The following BRCA1 variants were observed in gnomAD, a reference collection of about 807,000 sequenced individuals.
The protein encoded by BRCA1 is breast cancer type 1 susceptibility protein.
A neutral mutation model predicts 173.7 loss-of-function variants in BRCA1; 140 were observed. The ratio of observed to expected loss-of-function variants is 0.81; its 90% CI spans 0.70 to 0.93. BRCA1 has a LOEUF of 0.93. Among genes scored for constraint, BRCA1 ranks in the 40% least tolerant of loss-of-function variants. The pLI is 0.00. For missense variants in BRCA1, 1,983 were observed against 2,172.5 expected, an observed-to-expected ratio of 0.91 and a Z score of 1.73; for synonymous variants, 662 against 756.0, an observed-to-expected ratio of 0.88 and a Z score of 2.04.
chr17:43,124,531 C>T (rs1260160360), intron 1 of BRCA1, among the ~76,000 whole-genome samples: 1 of 152,098 alleles, frequency 6.6e-6, no homozygotes, highest in Middle Eastern at 3.2e-3. Context: ...CAGTGACCTG[C>T]TCTCATCTCT....
rs151181204 is a variant in BRCA1, at chr17:43,147,562, C to T, written c.-20+22564G>A. Among the ~76,000 whole-genome samples the T allele has an allele frequency of 2.4e-3, 369 of 152,230 alleles. 2 individuals carry two copies. Among genetic ancestry groups the T allele is most frequent in the African/African-American group, 8.5e-3 (354 of 41,538 alleles). On this transcript the variant is annotated intron_variant, in intron 1 of 7. Coordinates refer to the BRCA1 transcript ENST00000634433. ...ACCTCAAGTGATCCACCCGCCTCGG[C>T]CTCCCAAAGCGCTGGGATTACACGT...
intron 1 of BRCA1, among the ~76,000 whole-genome samples, chr17:43,157,889 C>T (rs1045011547): frequency 2.0e-5 from 3 of 149,798 alleles, no homozygotes; most frequent in East Asian, 2.0e-4. Context: ...CCAGCTACTC[C>T]GGAGGCTGAG....
At chr17:43,060,092 T>C (rs563952039) in intron 18 of BRCA1, among the ~76,000 whole-genome samples, 3 of 152,004 alleles carry the variant, frequency 2.0e-5, no homozygotes, top group South Asian at 2.1e-4. Flanking sequence ...GTTTTTGAGA[T>C]GGAGTTTCAC....
intron 14 of BRCA1, among the ~76,000 whole-genome samples, chr17:43,073,764 A>C (rs8176216): frequency 6.6e-6 from 1 of 150,966 alleles, no homozygotes; most frequent in African/African-American, 2.4e-5. Context: ...ATATATATAT[A>C]TATTTTTTGA....
upstream of BRCA1, among the ~76,000 whole-genome samples, chr17:43,128,550 ACTC>A (rs550622593): frequency 3.8e-3 from 574 of 151,974 alleles, 3 homozygotes; most frequent in Non-Finnish European, 6.5e-3. Flanking sequence ...GAAGGCCACG[ACTC>A]CTCAGTAGAA....
chr17:43,080,841 A>C lies in BRCA1; in HGVS notation c.4357+1563T>G, dbSNP rs8176188. Among the ~76,000 whole-genome samples, 2,137 of 152,056 alleles carry C rather than the reference A, an allele frequency of 0.014. 53 individuals carry two copies. The highest frequency in any genetic ancestry group is 0.048 in the African/African-American group (2,004 of 41,454). ...CTCAGGTCGGGGAGGATGGCTCAAG[A>C]TCAGGAGTTCAAGACCAGCCTAGTT... On this transcript the variant is annotated intron_variant, in intron 12 of 22. Transcript: ENST00000357654.
chr17:43,074,145 T>G (rs936478753), intron 14 of BRCA1, among the ~76,000 whole-genome samples, 186 bp downstream of exon 14: 1 of 152,168 alleles, frequency 6.6e-6, no homozygotes, highest in Non-Finnish European at 1.5e-5. Flanking sequence ...GGATTAACAG[T>G]TTCAATAATT....
intron 1 of BRCA1, chr17:43,144,225 TA>T (rs66915810): frequency 0.017 from 5,593 of 334,530 alleles, 69 homozygotes; most frequent in Non-Finnish European, 0.021. Flanking sequence ...TCCATCTCAA[TA>T]AAAAAAATAA....
At chr17:43,064,975 T>C (rs965032670) in intron 16 of BRCA1, among the ~76,000 whole-genome samples, 1 of 151,810 alleles carries the variant, frequency 6.6e-6, no homozygotes, top group East Asian at 1.9e-4. Context: ...GGACTACAGA[T>C]GCCCGCCACC....
At chr17:43,051,436 C>T (rs866081041) in intron 19 of BRCA1, among the ~76,000 whole-genome samples, 3 of 152,146 alleles carry the variant, frequency 2.0e-5, no homozygotes, top group Admixed American at 1.3e-4. Flanking sequence ...CTAATGATCT[C>T]TGCAGGTGCT....
chr17:43,148,023 G>A (rs2056134820), intron 1 of BRCA1, among the ~76,000 whole-genome samples: 1 of 152,230 alleles, frequency 6.6e-6, no homozygotes, highest in Non-Finnish European at 1.5e-5. Context: ...AATTTCACTG[G>A]AGCCAGGATA....
chr17:43,157,304 A>G (rs1254466774), intron 1 of BRCA1, among the ~76,000 whole-genome samples: 1 of 152,228 alleles, frequency 6.6e-6, no homozygotes, highest in African/African-American at 2.4e-5. Context: ...ATATTAAGAC[A>G]TAACTGCAAA....
At chr17:43,098,773 G>T (rs1022162025) in intron 7 of BRCA1, among the ~76,000 whole-genome samples, 1 of 150,842 alleles carries the variant, frequency 6.6e-6, no homozygotes, top group East Asian at 1.9e-4. Context: ...CTTCCAAAGC[G>T]TTAGGATTAC....
intron 8 of BRCA1, among the ~76,000 whole-genome samples, chr17:43,096,538 C>T (rs1194690243): frequency 6.8e-6 from 1 of 147,786 alleles, no homozygotes; most frequent in African/African-American, 2.5e-5. Flanking sequence ...CGCCACTACA[C>T]TCCATCCTGG....
chr17:43,166,485 A>G (rs1325436103), intron 1 of BRCA1: 1 of 152,116 alleles, frequency 6.6e-6, no homozygotes, highest in African/African-American at 2.4e-5. Flanking sequence ...TGGCCAGTCT[A>G]TCTTACACAA....
At chr17:43,097,844 T>C (rs2054203094) in intron 7 of BRCA1, among the ~76,000 whole-genome samples, 1 of 152,202 alleles carries the variant, frequency 6.6e-6, no homozygotes, top group Non-Finnish European at 1.5e-5. Context: ...TATCAACTAC[T>C]ATAACTATTT....
In BRCA1 at chr17:43,091,111, T is replaced by C. The variant is rs2053453145; in HGVS notation, c.4097-79A>G. On this transcript the variant is annotated intron_variant, in intron 10 of 22. Coordinates refer to ENST00000357654, the MANE Select transcript of BRCA1 (RefSeq NM_007294.4). The stretch of plus-strand genomic sequence containing the variant: ...ACTTGCTGTGTCTTTTTCTTCTCAT[T>C]GGCAGGACTGGATTTACTTTCATGT... 4 of 1,279,028 alleles carry C rather than the reference T, an allele frequency of 3.1e-6. No individual in the cohort carries two copies. The highest frequency in any genetic ancestry group is 2.9e-5 in the African/African-American group (2 of 68,020). The allele number at this position is 1,279,028 out of a possible 1,614,324, so 79.2% of individuals were successfully genotyped here. A position where few individuals can be genotyped will look rare whatever the true frequency, so the allele number is the denominator to read the frequency against.
At chr17:43,115,908 C>A in intron 2 of BRCA1, 129 bp from the exon 3 acceptor site, 1 of 867,650 alleles carries the variant, frequency 1.2e-6, no homozygotes. Context: ...GCCTCAAGTT[C>A]GTTCAATATT....
In BRCA1 at chr17:43,135,669, G is replaced by A. The variant is rs375721769; in HGVS notation, c.-19-11554C>T. Among the ~76,000 whole-genome samples, 5 of 152,100 alleles carry A rather than the reference G, an allele frequency of 3.3e-5. No individual in the cohort carries two copies. The South Asian group carries it at 8.3e-4, about 25-fold the overall frequency. On this transcript the variant is annotated intron_variant, in intron 1 of 7. Coordinates refer to the BRCA1 transcript ENST00000634433. ...GGCGGCGCCAGACCCTCTTCCCAAC[G>A]CCACCCTCTAAAGCCTCGGCTCCAA...
Sources: allele counts gnomAD v4.1 joint callset (sites outside exome capture counted in the v4.1 genomes callset), GRCh38; gene constraint gnomAD v4.1.1; transcripts MANE v1.5; gene names NCBI Gene and HGNC (gene_info 2026-07-23, HGNC 2026-07-21).